Variants in RFX3 observed in about 807,000 individuals in gnomAD.
The protein encoded by RFX3 is regulatory factor X3.
Under a neutral mutation model 98.6 loss-of-function variants are expected in RFX3, and 14 were observed. The observed-to-expected ratio is 0.14, with a 90% CI of 0.09 to 0.22. The LOEUF (loss-of-function observed/expected upper bound fraction) is 0.22, where lower values mean the gene tolerates loss of function less well. RFX3 is among the 10% of genes least tolerant of loss of function. RFX3 has a pLI of 1.00. For missense variants in RFX3, 639 were observed against 926.9 expected (o/e 0.69, Z 4.03); for synonymous variants, 383 against 328.4 (o/e 1.17, Z -1.80).
intron 1 of RFX3, among the ~76,000 whole-genome samples, chr9:3,410,868 C>T (rs1346088527): frequency 1.3e-5 from 2 of 152,154 alleles, no homozygotes; most frequent in Non-Finnish European, 2.9e-5. Context: ...CTGATGCATA[C>T]TATTGGTTTT....
intron 1 of RFX3, among the ~76,000 whole-genome samples, chr9:3,423,917 G>A (rs907013482): frequency 1.3e-5 from 2 of 151,216 alleles, no homozygotes; most frequent in African/African-American, 2.4e-5. Context: ...GGAGGCCGAG[G>A]CGGGGGGACC....
At chr9:3,429,074 G>C (rs1844389678) in intron 1 of RFX3, among the ~76,000 whole-genome samples, 2 of 148,878 alleles carry the variant, frequency 1.3e-5, no homozygotes, top group African/African-American at 5.0e-5. Context: ...CCAGGCTGGA[G>C]TGCGGTGGCG....
At chr9:3,313,660 G>C (rs1434768198) in intron 4 of RFX3, among the ~76,000 whole-genome samples, 2 of 152,166 alleles carry the variant, frequency 1.3e-5, no homozygotes, top group Non-Finnish European at 2.9e-5. Context: ...AGAATAAACA[G>C]TCTAGAGAAA....
chr9:3,326,451 T>C (rs1313848243), intron 4 of RFX3, among the ~76,000 whole-genome samples: 1 of 152,072 alleles, frequency 6.6e-6, no homozygotes, highest in African/African-American at 2.4e-5. Context: ...TTAAGCCTAT[T>C]ATTCATTATT....
chr9:3,355,275 G>C (rs953304593), intron 2 of RFX3, among the ~76,000 whole-genome samples: 1 of 151,532 alleles, frequency 6.6e-6, no homozygotes, highest in Non-Finnish European at 1.5e-5. Flanking sequence ...TGTCAGAGTG[G>C]GTAAAAATGG....
intron 1 of RFX3, among the ~76,000 whole-genome samples, chr9:3,439,885 T>A (rs1587682609): frequency 1.3e-5 from 2 of 152,002 alleles, no homozygotes; most frequent in South Asian, 4.1e-4. Context: ...CCGTTAAATC[T>A]AATATTCATA....
In RFX3 at chr9:3,393,393, T is replaced by A. The variant is rs185335591; in HGVS notation, c.117+2079A>T. Among the ~76,000 whole-genome samples the A allele has an allele frequency of 2.6e-3, 393 of 152,202 alleles. 2 individuals are homozygous for A. Among genetic ancestry groups the A allele is most frequent in the South Asian group, 5.8e-3 (28 of 4,820 alleles). ...ATGTAAATTCAATAAAAAGAAAACT[T>A]TTTTTTCATGTTTACAGAAGGCACC... On this transcript the variant is annotated intron_variant, in intron 2 of 16. Transcript: ENST00000617270.
rs1330231368 is a variant in RFX3 at position 3,219,802 on chromosome 9, C to A, written c.*5240G>T. On this transcript the variant is annotated 3_prime_UTR_variant, in exon 17 of 17. Coordinates refer to ENST00000617270, the MANE Select transcript of RFX3 (RefSeq NM_001282116.2). The stretch of plus-strand genomic sequence containing the variant: ...TGAGTAATTTGCATGGTCTGACTTC[C>A]TAAACTGCCTAAAAAGCAACGTTTA... 1.3e-5 allele frequency: 2 copies of A among 152,132 alleles called. No homozygotes were observed. Among genetic ancestry groups the A allele is most frequent in the Non-Finnish European group, 2.9e-5 (2 of 68,022 alleles). 9.4% of individuals were successfully genotyped at this position (152,132 alleles called of 1,614,324 possible). A position where few individuals can be genotyped will look rare whatever the true frequency, so the allele number is the denominator to read the frequency against.
intron 15 of RFX3, among the ~76,000 whole-genome samples, chr9:3,230,232 T>C (rs1427336813): frequency 6.6e-6 from 1 of 152,204 alleles, no homozygotes; most frequent in Non-Finnish European, 1.5e-5. Flanking sequence ...ATTTAAGCCA[T>C]AGAAGCATTA....
intron 15 of RFX3, among the ~76,000 whole-genome samples, chr9:3,240,361 G>A (rs1819752502): frequency 6.6e-6 from 1 of 152,248 alleles, no homozygotes; most frequent in East Asian, 1.9e-4. Flanking sequence ...AACGAACCTT[G>A]CTCCTAATTT....
chr9:3,359,090 G>A (rs890721042), intron 2 of RFX3, among the ~76,000 whole-genome samples: 1 of 151,624 alleles, frequency 6.6e-6, no homozygotes, highest in South Asian at 2.1e-4. Flanking sequence ...CTGGGCCTAC[G>A]AGACCCTTGA....
intron 2 of RFX3, among the ~76,000 whole-genome samples, chr9:3,394,603 T>C (rs916074201): frequency 7.9e-5 from 12 of 152,216 alleles, no homozygotes; most frequent in African/African-American, 2.9e-4. Flanking sequence ...CTTGCATCTA[T>C]CAATTATAAA....
At chr9:3,403,199 A>T (rs1459460173) in intron 1 of RFX3, among the ~76,000 whole-genome samples, 1 of 152,086 alleles carries the variant, frequency 6.6e-6, no homozygotes, top group Admixed American at 6.6e-5. Context: ...AAAACTAGTT[A>T]AGCTATAAAC....
intron 1 of RFX3, among the ~76,000 whole-genome samples, chr9:3,455,732 T>C (rs769325589): frequency 1.3e-5 from 2 of 152,216 alleles, no homozygotes; most frequent in Non-Finnish European, 2.9e-5. Context: ...AAAAGTTATG[T>C]TAGGAAACCA....
At chr9:3,498,910 T>C (rs967006848) in intron 1 of RFX3, among the ~76,000 whole-genome samples, 3 of 152,102 alleles carry the variant, frequency 2.0e-5, no homozygotes, top group East Asian at 1.9e-4. Context: ...GGAGTACTAA[T>C]AAACCTGTAG....
At chr9:3,504,948 TA>T (rs1357339727) in intron 1 of RFX3, among the ~76,000 whole-genome samples, 11 of 20,094 alleles carry the variant, frequency 5.5e-4, no homozygotes, top group African/African-American at 1.8e-3. Flanking sequence ...ATATATAATA[TA>T]ATATATATTA....
At chr9:3,393,516 A>C (rs2131895388) in intron 2 of RFX3, among the ~76,000 whole-genome samples, 1 of 152,288 alleles carries the variant, frequency 6.6e-6, no homozygotes, top group Non-Finnish European at 1.5e-5. Context: ...GAGTGAGTTA[A>C]ATGTTCAACA....
In RFX3 at chr9:3,259,592, T is replaced by G. The variant is rs544563384; in HGVS notation, c.1606-2393A>C. Among the ~76,000 whole-genome samples, 12 of 151,032 alleles carry G rather than the reference T, an allele frequency of 7.9e-5. No homozygotes were observed. In the East Asian group the frequency reaches 2.1e-3, roughly 27 times the overall value. On this transcript the variant is annotated intron_variant, in intron 13 of 16. Coordinates refer to ENST00000617270, the MANE Select transcript of RFX3 (RefSeq NM_001282116.2). Reference sequence around the variant, plus strand: ...AATACAGAAACACAACTATATGCAATAGCTAAGTTATCAGGTCAGCCCACC... The same window carrying G: ...AATACAGAAACACAACTATATGCAAGAGCTAAGTTATCAGGTCAGCCCACC...
At position 3,275,616 on chromosome 9, in the gene RFX3, T is replaced by C; in HGVS notation, c.974-4A>G. 1 of 1,571,304 alleles carries C rather than the reference T, an allele frequency of 6.4e-7. No homozygotes were observed. ...TCTGGAAGTGCTCGAGATGCATCTG[T>C]TACCGTGACAACAGAACAGAAAAAA... On this transcript the variant is annotated splice_region_variant and splice_polypyrimidine_tract_variant and intron_variant, in intron 8 of 16. Transcript: ENST00000617270.
Sources: allele counts gnomAD v4.1 joint callset (sites outside exome capture counted in the v4.1 genomes callset), GRCh38; gene constraint gnomAD v4.1.1; transcripts MANE v1.5; gene names NCBI Gene and HGNC (gene_info 2026-07-23, HGNC 2026-07-21).